FBXO7: variants seen among roughly 807,000 people sequenced by gnomAD.
FBXO7 encodes the protein F-box only protein 7.
FBXO7 carries 31 observed loss-of-function variants against 50.2 expected under a neutral mutation model. The observed-to-expected ratio is 0.62, with a 90% CI of 0.46 to 0.83. The LOEUF is 0.83. Ranked by LOEUF, FBXO7 falls within the 40% of genes least tolerant of loss-of-function variation. The pLI, the probability that FBXO7 is intolerant of heterozygous loss-of-function variation, is 0.00. For synonymous variants in FBXO7, 256 were observed against 253.1 expected (o/e 1.01, Z -0.11); for missense variants, 667 against 646.6 (o/e 1.03, Z -0.34).
In FBXO7 at chr22:32,479,022, C is replaced by T; in HGVS notation, c.164C>T (p.Pro55Leu). Residue 55 changes from proline (P) to leucine (L), a missense_variant, in exon 2 of 9, where the codon CCC becomes CTC. Transcript: ENST00000266087. Reference protein sequence around the residue: ...RFTITLNYKDPLTGDEETLAS... With the variant: ...RFTITLNYKDLLTGDEETLAS... ...ACAATTACATTGAACTACAAGGATC[C>T]CCTCACTGGAGATGAAGAGACCTTG... The T allele has an allele frequency of 3.7e-6, 6 of 1,614,176 alleles. No homozygotes were observed. The highest frequency in any genetic ancestry group is 1.3e-5 in the African/African-American group (1 of 75,048).
intron 2 of FBXO7, among the ~76,000 whole-genome samples, chr22:32,482,902 G>GTGA (rs2057474112): frequency 6.6e-6 from 1 of 152,228 alleles, no homozygotes; most frequent in African/African-American, 2.4e-5. Flanking sequence ...ACAGTGCAGT[G>GTGA]TGATAAGGTG....
rs973628333 is a variant in FBXO7 at position 32,474,956 on chromosome 22, C to T, written c.-47C>T. 1.3e-6 allele frequency: 2 copies of T among 1,508,650 alleles called. No homozygotes were observed. Among genetic ancestry groups the T allele is most frequent in the East Asian group, 2.6e-5 (1 of 38,862 alleles). The allele number at this position is 1,508,650 out of a possible 1,614,324, so 93.5% of individuals were successfully genotyped here. A position where few individuals can be genotyped will look rare whatever the true frequency, so the allele number is the denominator to read the frequency against. On this transcript the variant is annotated 5_prime_UTR_variant, in exon 1 of 9. Transcript: ENST00000266087. ...GAGCTGCTCGGCCCCGCCGCCGTCC[C>T]CGTCGCCGCTTCCGGGTCCAGGCCC...
At chr22:32,483,785 T>C in intron 2 of FBXO7, 112 bp from the exon 3 acceptor site, 1 of 921,306 alleles carries the variant, frequency 1.1e-6, no homozygotes, top group Non-Finnish European at 1.7e-6. Flanking sequence ...CTCCCATTTC[T>C]GAACCCAATG....
chr22:32,494,416 C>CT (rs2057559028), intron 7 of FBXO7, among the ~76,000 whole-genome samples: 1 of 152,184 alleles, frequency 6.6e-6, no homozygotes, highest in Non-Finnish European at 1.5e-5. Flanking sequence ...TCATAGCTCA[C>CT]TGCCACCCCC....
chr22:32,492,239 TA>T (rs1345807087), intron 6 of FBXO7: 8 of 152,216 alleles, frequency 5.3e-5, no homozygotes, highest in Admixed American at 5.2e-4. Context: ...GAGAAATAAG[TA>T]AAACGTTTTT....
At chr22:32,483,738 G>A (rs912235828) in intron 2 of FBXO7, among the ~76,000 whole-genome samples, 159 bp from the exon 3 acceptor site, 5 of 152,158 alleles carry the variant, frequency 3.3e-5, no homozygotes, top group African/African-American at 9.7e-5. Context: ...AGAGTAGGTC[G>A]CAGGCTTATT....
intron 1 of FBXO7, chr22:32,475,394 C>A (rs2057420935): frequency 6.2e-7 from 1 of 1,611,494 alleles, no homozygotes; most frequent in Non-Finnish European, 8.5e-7. Context: ...CTGGTCCCCT[C>A]CTCGGTGAGT....
rs5998513 is a variant in FBXO7, at chr22:32,488,049, T to A, written c.871+221T>A. ...TTTCCTGTTTTTCTTAGGGTCATAG[T>A]GTGCTGAATTATATTGTTATGAGAT... On this transcript the variant is annotated intron_variant, in intron 5 of 8. Coordinates refer to ENST00000266087, the MANE Select transcript of FBXO7 (RefSeq NM_012179.4). 302,571 of 492,936 alleles carry A rather than the reference T, an allele frequency of 0.61. 93,596 individuals carry two copies. Among genetic ancestry groups the A allele is most frequent in the East Asian group, 0.73 (19,125 of 26,146 alleles). 30.5% of individuals were successfully genotyped at this position (492,936 alleles called of 1,614,324 possible). A position where few individuals can be genotyped will look rare whatever the true frequency, so the allele number is the denominator to read the frequency against.
chr22:32,485,346 C>T lies in FBXO7; in HGVS notation c.787+137C>T, dbSNP rs1601509218. The T allele has an allele frequency of 2.7e-6, 3 of 1,106,286 alleles. No homozygotes were observed. In the East Asian group the frequency reaches 7.2e-5, roughly 26 times the overall value. The allele number at this position is 1,106,286 out of a possible 1,614,324, so 68.5% of individuals were successfully genotyped here. ...TCTCAACTGTATTTAATTCCTAGGC[C>T]ACTGATAACATGTGTCTGGAAGATC... On this transcript the variant is annotated intron_variant, in intron 4 of 8. Transcript: ENST00000266087.
chr22:32,490,663 C>T (rs752997692), intron 5 of FBXO7: 18 of 162,436 alleles, frequency 1.1e-4, no homozygotes, highest in Non-Finnish European at 1.9e-4. Context: ...GCTTGAAAAA[C>T]GCTTGACACA....
chr22:32,485,288 G>A (rs2057491832), intron 4 of FBXO7, 79 bp downstream of exon 4: 2 of 1,537,654 alleles, frequency 1.3e-6, no homozygotes, highest in Non-Finnish European at 1.8e-6. Context: ...AGCCACTTCA[G>A]TGATTGGCTA....
At chr22:32,495,839 C>A (rs1235508698) in intron 8 of FBXO7, among the ~76,000 whole-genome samples, 1 of 152,086 alleles carries the variant, frequency 6.6e-6, no homozygotes, top group Non-Finnish European at 1.5e-5. Flanking sequence ...TAAGATAGTA[C>A]CTTATGAAAA....
intron 2 of FBXO7, among the ~76,000 whole-genome samples, chr22:32,483,357 G>A (rs1287812950): frequency 6.6e-6 from 1 of 152,222 alleles, no homozygotes; most frequent in Non-Finnish European, 1.5e-5. Context: ...AGGCACAATT[G>A]AGGGAAATGC....
Position 32,483,979 on chromosome 22 carries a change from A to G in FBXO7, c.500A>G (p.Glu167Gly). 1 of 1,614,246 alleles carries G rather than the reference A, an allele frequency of 6.2e-7. No individual in the cohort carries two copies. The highest frequency in any genetic ancestry group is 2.2e-5 in the East Asian group (1 of 44,886). The stretch of plus-strand genomic sequence containing the variant: ...GAGGGCACAGGTTTCTATCCCTCAG[A>G]ACCCATGCTCTGTAGTGAATCGGTG... ...MAEGTGFYPS[E>G]PMLCSESVEG... The change falls in exon 3 of 9, where the codon GAA becomes GGA. Residue 167 changes from glutamate (E) to glycine (G), a missense_variant. Coordinates refer to ENST00000266087, the MANE Select transcript of FBXO7 (RefSeq NM_012179.4).
chr22:32,494,193 A>G (rs1312286060), intron 7 of FBXO7, among the ~76,000 whole-genome samples: 1 of 150,410 alleles, frequency 6.6e-6, no homozygotes, highest in Non-Finnish European at 1.5e-5. Flanking sequence ...AAAATGTGAG[A>G]AGTGTAAATG....
intron 4 of FBXO7, among the ~76,000 whole-genome samples, chr22:32,485,728 T>C (rs1052358872): frequency 2.0e-5 from 3 of 152,212 alleles, no homozygotes; most frequent in African/African-American, 7.2e-5. Flanking sequence ...TTTTATTTGC[T>C]GGGCCTCCCC....
In FBXO7 at chr22:32,481,087, C is replaced by G. The variant is rs367981506; in HGVS notation, c.417+1812C>G. Among the ~76,000 whole-genome samples, 34 of 152,228 alleles carry G rather than the reference C, an allele frequency of 2.2e-4. 2 individuals carry two copies. The South Asian group carries it at 5.4e-3, about 24-fold the overall frequency. ...TATGCTTATCACCTCAATTTAATTG[C>G]TGGCCTTAAACATTTTTGAGTATAA... is the stretch of plus-strand genomic sequence containing the variant. On this transcript the variant is annotated intron_variant, in intron 2 of 8. Coordinates refer to ENST00000266087, the MANE Select transcript of FBXO7 (RefSeq NM_012179.4).
intron 7 of FBXO7, among the ~76,000 whole-genome samples, chr22:32,493,711 T>C (rs147671408): frequency 6.6e-6 from 1 of 152,318 alleles, no homozygotes; most frequent in Non-Finnish European, 1.5e-5. Context: ...GGTAATTATT[T>C]TGGCAGTGAT....
chr22:32,487,542 T>G (rs1037948678), intron 4 of FBXO7: 34 of 532,794 alleles, frequency 6.4e-5, no homozygotes, highest in Middle Eastern at 5.3e-4. Context: ...AAAGGTGGTG[T>G]TGTAGAGTGA....
Sources: gnomAD v4.1 joint callset for allele counts (sites outside exome capture counted in the v4.1 genomes callset) on GRCh38, gnomAD v4.1.1 for gene constraint, MANE v1.5 for transcripts, NCBI Gene and HGNC (gene_info 2026-07-23, HGNC 2026-07-21) for gene names.